Variants in BUB1 observed in about 807,000 individuals in gnomAD.
BUB1 encodes mitotic checkpoint serine/threonine-protein kinase BUB1.
A neutral mutation model predicts 135.2 loss-of-function variants in BUB1; 84 were observed. The ratio of observed to expected loss-of-function variants is 0.62; its 90% CI spans 0.52 to 0.74. The LOEUF (loss-of-function observed/expected upper bound fraction) is 0.74, where lower values mean the gene tolerates loss of function less well. BUB1 is among the 30% of genes least tolerant of loss of function. BUB1 has a pLI of 0.00. For missense variants in BUB1, 1,162 were observed against 1,288.3 expected (o/e 0.90, Z 1.50); for synonymous variants, 403 against 434.4 (o/e 0.93, Z 0.90).
At chr2:110,645,775 C>T (rs942383223) in intron 19 of BUB1, among the ~76,000 whole-genome samples, 16 of 151,972 alleles carry the variant, frequency 1.1e-4, no homozygotes, top group Non-Finnish European at 1.6e-4. Context: ...AATGCATTGT[C>T]CAGACTTGTC....
intron 10 of BUB1, chr2:110,661,338 G>T: frequency 2.1e-6 from 1 of 483,864 alleles, no homozygotes; most frequent in Non-Finnish European, 3.6e-6. Context: ...TTGACTTTCA[G>T]GTACTGAAAA....
At chr2:110,658,267 C>T (rs932150330) in intron 13 of BUB1, 143 bp downstream of exon 13, 3 of 631,820 alleles carry the variant, frequency 4.7e-6, no homozygotes, top group Non-Finnish European at 8.1e-6. Flanking sequence ...TTGTCAAGAA[C>T]TGTCTTATTT....
At chr2:110,643,840 T>C (rs1283637619) in intron 19 of BUB1, among the ~76,000 whole-genome samples, 1 of 151,350 alleles carries the variant, frequency 6.6e-6, no homozygotes, top group Non-Finnish European at 1.5e-5. Context: ...CTAATTGACA[T>C]GCTAAGGGTT....
intron 3 of BUB1, 29 bp downstream of exon 3, chr2:110,674,057 A>G (rs1690504049): frequency 1.4e-6 from 2 of 1,452,102 alleles, no homozygotes; most frequent in African/African-American, 2.9e-5. Flanking sequence ...ATGATTATAG[A>G]TTTGATTATA....
At chr2:110,665,694 C>T (rs760803570) in intron 9 of BUB1, among the ~76,000 whole-genome samples, 1 of 151,414 alleles carries the variant, frequency 6.6e-6, no homozygotes, top group Non-Finnish European at 1.5e-5. Flanking sequence ...AAAAAACCAT[C>T]TAGTCACATA....
At position 110,661,680 on chromosome 2, in the gene BUB1, C is replaced by G. The variant is rs1212344216; in HGVS notation, c.1119G>C (p.Leu373Phe). ...PPLANAISAA[L>F]VSPATSQSIA... ...TGCTCTGGCTGGTGGCTGGGGACACCAAAGCTGCAGAAATAGCATTTGCCA... is the reference window on the plus strand; with the variant it reads ...TGCTCTGGCTGGTGGCTGGGGACACGAAAGCTGCAGAAATAGCATTTGCCA... Residue 373 changes from leucine to phenylalanine, a missense_variant, in exon 10 of 25, where the codon TTG becomes TTC. Physicochemically the swap from Leu to Phe is conservative, Grantham distance 22. Transcript: ENST00000302759. 1 of 1,613,974 alleles carries G rather than the reference C, an allele frequency of 6.2e-7. No individual in the cohort carries two copies. Among genetic ancestry groups the G allele is most frequent in the East Asian group, 2.2e-5 (1 of 44,882 alleles).
chr2:110,646,234 G>A (rs559892502), intron 19 of BUB1, among the ~76,000 whole-genome samples: 1 of 149,496 alleles, frequency 6.7e-6, no homozygotes, highest in Admixed American at 6.7e-5. Flanking sequence ...TACTCAGGAA[G>A]CTGGGGCCAA....
Position 110,661,684 on chromosome 2 carries a change from G to T in BUB1, c.1115C>A (p.Ala372Asp), listed in dbSNP as rs1313571885. The change falls in exon 10 of 25, where the codon GCT becomes GAT. Residue 372 changes from alanine (A) to aspartate (D), a missense_variant. Ala to Asp is a moderately radical substitution (Grantham distance 126). Coordinates refer to ENST00000302759, the MANE Select transcript of BUB1 (RefSeq NM_004336.5). ...CTGGCTGGTGGCTGGGGACACCAAA[G>T]CTGCAGAAATAGCATTTGCCAAAGG... is the stretch of plus-strand genomic sequence containing the variant. ...VPPLANAISA[A>D]LVSPATSQSI... 4.3e-6 allele frequency: 7 copies of T among 1,614,216 alleles called. No individual in the cohort carries two copies. Among genetic ancestry groups the T allele is most frequent in the Middle Eastern group, 3.3e-4 (2 of 6,062 alleles).
intron 17 of BUB1, 42 bp from the exon 18 acceptor site, chr2:110,650,826 A>T: frequency 6.5e-7 from 1 of 1,531,322 alleles, no homozygotes; most frequent in Non-Finnish European, 9.0e-7. Flanking sequence ...ACACCACATG[A>T]TTAGAAATCT....
intron 4 of BUB1, 106 bp from the exon 5 acceptor site, chr2:110,670,674 T>C: frequency 2.6e-6 from 3 of 1,154,734 alleles, no homozygotes; most frequent in Non-Finnish European, 2.5e-6. Flanking sequence ...GCTAGTAAAG[T>C]CTGACGTCAA....
intron 22 of BUB1, 40 bp from the exon 23 acceptor site, chr2:110,641,245 A>G (rs1261751699): frequency 3.8e-6 from 6 of 1,586,502 alleles, no homozygotes; most frequent in Non-Finnish European, 5.1e-6. Flanking sequence ...CATGAGCACA[A>G]ATGATGAAAG....
rs760962173 is a variant in BUB1, at chr2:110,641,210, A to G, written c.2784-5T>C. On this transcript the variant is annotated splice_region_variant and splice_polypyrimidine_tract_variant and intron_variant, in intron 22 of 24. Transcript: ENST00000302759. ...TCATCATCCTGTTCCAAAAATCTAT[A>G]TTAAACACAAACAAAGCCAGGCTGC... 1 of 1,593,574 alleles carries G rather than the reference A, an allele frequency of 6.3e-7. No individual in the cohort carries two copies. The highest frequency in any genetic ancestry group is 8.5e-7 in the Non-Finnish European group (1 of 1,170,482).
intron 1 of BUB1, chr2:110,676,483 T>C (rs1253401715): frequency 6.6e-6 from 1 of 152,228 alleles, no homozygotes; most frequent in African/African-American, 2.4e-5. Context: ...AAACCGCTTC[T>C]GCAGATCTAG....
chr2:110,641,078 A>C lies in BUB1; in HGVS notation c.2911T>G (p.Phe971Val). The change falls in exon 23 of 25, where the codon TTT becomes GTT. Residue 971 changes from phenylalanine to valine, a missense_variant. Coordinates refer to ENST00000302759, the MANE Select transcript of BUB1 (RefSeq NM_004336.5). ...TTGCTGAGCATCTCAACACACTGAAAACCAGATGTTTCACACTTTGCTGTG... is the reference window on the plus strand; with the variant it reads ...TTGCTGAGCATCTCAACACACTGAACACCAGATGTTTCACACTTTGCTGTG... ...IFTAKCETSG[F>V]QCVEMLSNKP... The C allele has an allele frequency of 6.2e-7, 1 of 1,610,194 alleles. No homozygotes were observed. Among genetic ancestry groups the C allele is most frequent in the African/African-American group, 1.3e-5 (1 of 74,874 alleles).
At chr2:110,673,860 A>C (rs1025986046) in intron 3 of BUB1, among the ~76,000 whole-genome samples, 15 of 152,136 alleles carry the variant, frequency 9.9e-5, no homozygotes, top group African/African-American at 3.6e-4. Context: ...TGGCCTCCCA[A>C]AGTGCTGGGA....
intron 1 of BUB1, among the ~76,000 whole-genome samples, chr2:110,675,916 G>A (rs1415936811): frequency 2.6e-5 from 4 of 152,146 alleles, no homozygotes; most frequent in African/African-American, 2.4e-5. Flanking sequence ...CTCCCAAAGT[G>A]TTAGAATTAC....
intron 17 of BUB1, 90 bp from the exon 18 acceptor site, chr2:110,650,874 G>T: frequency 8.0e-7 from 1 of 1,244,782 alleles, no homozygotes; most frequent in Non-Finnish European, 1.1e-6. Context: ...TCTCATTCTA[G>T]AAATGACATT....
In BUB1 at chr2:110,649,231, T is replaced by C. The variant is rs369311438; in HGVS notation, c.2347+3A>G. 119 of 1,604,494 alleles carry C rather than the reference T, an allele frequency of 7.4e-5. No individual in the cohort carries two copies. Among genetic ancestry groups the C allele is most frequent in the Non-Finnish European group, 9.3e-5 (110 of 1,177,304 alleles). ...AAAGTTATATTATCCAAATAATTCT[T>C]ACCCAATTGAAATTCAGTCTTGGGC... On this transcript the variant is annotated splice_donor_region_variant and intron_variant, in intron 19 of 24. Transcript: ENST00000302759.
At chr2:110,645,798 C>A (rs1297335482) in intron 19 of BUB1, among the ~76,000 whole-genome samples, 1 of 151,986 alleles carries the variant, frequency 6.6e-6, no homozygotes, top group African/African-American at 2.4e-5. Context: ...AAACTCCTGG[C>A]CTCAGCTGAT....
Sources: allele counts gnomAD v4.1 joint callset (sites outside exome capture counted in the v4.1 genomes callset), GRCh38; gene constraint gnomAD v4.1.1; transcripts MANE v1.5; gene names NCBI Gene and HGNC (gene_info 2026-07-23, HGNC 2026-07-21).